Variants in SLC25A26 observed in about 807,000 individuals in gnomAD.
SLC25A26 encodes solute carrier family 25 member 26.
SLC25A26 carries 36 observed loss-of-function variants against 37.8 expected under a neutral mutation model. The ratio of observed to expected loss-of-function variants is 0.95; its 90% CI spans 0.73 to 1.26. The LOEUF (loss-of-function observed/expected upper bound fraction) is 1.26, where lower values mean the gene tolerates loss of function less well. Among genes scored for constraint, SLC25A26 ranks in the 50% most tolerant of loss-of-function variants. The pLI is 0.00. For synonymous variants in SLC25A26, 129 were observed against 122.5 expected, an observed-to-expected ratio of 1.05 and a Z score of -0.35; for missense variants, 390 against 331.1, an observed-to-expected ratio of 1.18 and a Z score of -1.38.
intron 6 of SLC25A26, among the ~76,000 whole-genome samples, chr3:66,362,128 G>A (rs906681253): frequency 6.6e-6 from 1 of 152,132 alleles, no homozygotes; most frequent in African/African-American, 2.4e-5. Context: ...AAAACAGTTT[G>A]GCAGTTCTTA....
At chr3:66,253,130 G>A (rs1187927389) in intron 3 of SLC25A26, among the ~76,000 whole-genome samples, 2 of 151,376 alleles carry the variant, frequency 1.3e-5, no homozygotes, top group South Asian at 2.1e-4. Flanking sequence ...GATGGGGGCC[G>A]GGCGCAGTGG....
intron 5 of SLC25A26, among the ~76,000 whole-genome samples, chr3:66,264,828 C>T (rs1425495084): frequency 6.6e-6 from 1 of 152,170 alleles, no homozygotes; most frequent in Admixed American, 6.5e-5. Context: ...CTGGGAAGTT[C>T]AGTCTGGACT....
At chr3:66,338,030 A>T (rs2076129555) in intron 5 of SLC25A26, among the ~76,000 whole-genome samples, 1 of 151,990 alleles carries the variant, frequency 6.6e-6, no homozygotes, top group Non-Finnish European at 1.5e-5. Flanking sequence ...AAGTTCTCTC[A>T]TCTTCAGTCC....
At chr3:66,325,463 G>A (rs2075814073) in intron 5 of SLC25A26, among the ~76,000 whole-genome samples, 1 of 152,176 alleles carries the variant, frequency 6.6e-6, no homozygotes, top group South Asian at 2.1e-4. Flanking sequence ...TCACAGTCTG[G>A]TAAATGAAAC....
chr3:66,354,461 A>G (rs2076529818), intron 6 of SLC25A26, among the ~76,000 whole-genome samples: 1 of 152,200 alleles, frequency 6.6e-6, no homozygotes, highest in African/African-American at 2.4e-5. Context: ...TTCAATGTAT[A>G]TAATAATTAC....
chr3:66,210,748 AAGC>A (rs2071274032), intron 1 of SLC25A26, among the ~76,000 whole-genome samples: 1 of 152,192 alleles, frequency 6.6e-6, no homozygotes, highest in Non-Finnish European at 1.5e-5. Context: ...TCTGGGGCTC[AAGC>A]AACCCTCCCA....
At chr3:66,283,611 A>G (rs982189537) in intron 5 of SLC25A26, among the ~76,000 whole-genome samples, 4 of 152,196 alleles carry the variant, frequency 2.6e-5, no homozygotes, top group Non-Finnish European at 5.9e-5. Context: ...ACAATTTTAC[A>G]TCCCCACCAG....
intron 3 of SLC25A26, among the ~76,000 whole-genome samples, chr3:66,254,781 A>G (rs960808970): frequency 2.6e-5 from 4 of 152,266 alleles, no homozygotes; most frequent in African/African-American, 7.2e-5. Context: ...TTAGCTTCTA[A>G]TATCAGAGGA....
chr3:66,222,675 T>A (rs2071557367), intron 1 of SLC25A26, among the ~76,000 whole-genome samples: 1 of 152,196 alleles, frequency 6.6e-6, no homozygotes, highest in South Asian at 2.1e-4. Flanking sequence ...AGATAACTAG[T>A]TCAAAATCAC....
rs202189328 is a variant in SLC25A26 at position 66,146,238 on chromosome 3, G to A, written c.-354+12254G>A. The stretch of plus-strand genomic sequence containing the variant: ...ACCTGTAACCTCAGCTACTTGGGAG[G>A]CTAAGGCAGGAGAATCGCTTGAACC... On this transcript the variant is annotated intron_variant, in intron 1 of 10. Coordinates refer to the SLC25A26 transcript ENST00000676754. Among the ~76,000 whole-genome samples the A allele has an allele frequency of 1.8e-4, 27 of 151,976 alleles. No individual in the cohort carries two copies. In the East Asian group the frequency reaches 5.2e-3, roughly 29 times the overall value.
chr3:66,247,511 A>C (rs571928903), intron 3 of SLC25A26, among the ~76,000 whole-genome samples: 1 of 152,096 alleles, frequency 6.6e-6, no homozygotes, highest in African/African-American at 2.4e-5. Context: ...GGGTCTTACT[A>C]TGTTGCCCAG....
chr3:66,217,513 A>G (rs878916409), upstream of SLC25A26, among the ~76,000 whole-genome samples: 22,068 of 152,054 alleles, frequency 0.15, 1,729 homozygotes, highest in East Asian at 0.25. Context: ...CGAGATAGTA[A>G]TATTTTAATC....
intron 6 of SLC25A26, among the ~76,000 whole-genome samples, chr3:66,351,554 A>C (rs939257878): frequency 9.2e-5 from 14 of 152,196 alleles, no homozygotes; most frequent in East Asian, 5.8e-4. Flanking sequence ...ACCAACTTGC[A>C]TGTTTATAGC....
chr3:66,269,148 C>G (rs951184712), intron 5 of SLC25A26, among the ~76,000 whole-genome samples: 3 of 152,180 alleles, frequency 2.0e-5, no homozygotes, highest in Non-Finnish European at 4.4e-5. Flanking sequence ...AGACTCTTCT[C>G]GTTGATACCT....
At position 66,378,037 on chromosome 3, in the gene SLC25A26, C is replaced by T. The variant is rs1260952326; in HGVS notation, c.*230C>T. 6.7e-6 allele frequency: 3 copies of T among 448,802 alleles called. No homozygotes were observed. The highest frequency in any genetic ancestry group is 1.2e-5 in the Non-Finnish European group (3 of 250,450). The allele number at this position is 448,802 out of a possible 1,614,324, so 27.8% of individuals were successfully genotyped here. A position where few individuals can be genotyped will look rare whatever the true frequency, so the allele number is the denominator to read the frequency against. Reference sequence around the variant, plus strand: ...ACGGGGTCTGTGGCGGTACTCTGAACAATTTCCTCAGAACCTCTTAATAAA... The same window carrying T: ...ACGGGGTCTGTGGCGGTACTCTGAATAATTTCCTCAGAACCTCTTAATAAA... On this transcript the variant is annotated 3_prime_UTR_variant, in exon 10 of 10. Transcript: ENST00000354883.
At chr3:66,243,006 A>T (rs1183259281) in intron 2 of SLC25A26, among the ~76,000 whole-genome samples, 197 bp from the exon 3 acceptor site, 1 of 152,240 alleles carries the variant, frequency 6.6e-6, no homozygotes, top group Non-Finnish European at 1.5e-5. Context: ...GCATTTTTGT[A>T]AGTCTAAGAT....
chr3:66,137,665 G>A (rs1014188364), intron 1 of SLC25A26, among the ~76,000 whole-genome samples: 1 of 152,122 alleles, frequency 6.6e-6, no homozygotes, highest in South Asian at 2.1e-4. Flanking sequence ...TTGTGAGAAG[G>A]GAATAAGATG....
chr3:66,184,859 C>T (rs1382036361), intron 1 of SLC25A26, among the ~76,000 whole-genome samples: 1 of 152,148 alleles, frequency 6.6e-6, no homozygotes, highest in Non-Finnish European at 1.5e-5. Flanking sequence ...TCAACTTTGA[C>T]CCTGATCCTG....
At position 66,245,867 on chromosome 3, in the gene SLC25A26, G is replaced by T. The variant is rs545619021; in HGVS notation, c.300+2555G>T. ...CCCCTTTAAAGTGTACAATTCAGTG[G>T]TTTACACCATATTCACAGAGTTGTA... On this transcript the variant is annotated intron_variant, in intron 3 of 9. Transcript: ENST00000354883. Among the ~76,000 whole-genome samples the T allele has an allele frequency of 1.6e-4, 25 of 152,220 alleles. No homozygotes were observed. The South Asian group carries it at 2.5e-3, about 15-fold the overall frequency.
Sources: allele counts gnomAD v4.1 joint callset (sites outside exome capture counted in the v4.1 genomes callset), GRCh38; gene constraint gnomAD v4.1.1; transcripts MANE v1.5; gene names NCBI Gene and HGNC (gene_info 2026-07-23, HGNC 2026-07-21).